NRXN3: variants seen among roughly 807,000 people sequenced by gnomAD.
The protein encoded by NRXN3 is neurexin 3, also known as neurexin III.
In NRXN3, 32 loss-of-function variants were observed where a neutral mutation model predicts 137.6. The ratio of observed to expected loss-of-function variants is 0.23; its 90% confidence interval spans 0.18 to 0.31. The LOEUF (loss-of-function observed/expected upper bound fraction) is 0.31, where lower values mean the gene tolerates loss of function less well. Ranked by LOEUF, NRXN3 falls within the 10% of genes least tolerant of loss-of-function variation. The probability of loss-of-function intolerance (pLI) is 1.00; values close to 1 mark genes in which losing one functional copy is unlikely to be tolerated. For missense variants in NRXN3, 1,574 were observed against 2,062.5 expected (o/e 0.76, Z 4.59); for synonymous variants, 798 against 784.5 (o/e 1.02, Z -0.29).
intron 4 of NRXN3, among the ~76,000 whole-genome samples, chr14:78,539,299 A>G (rs987927743): frequency 1.3e-5 from 2 of 152,154 alleles, no homozygotes; most frequent in Non-Finnish European, 2.9e-5. Context: ...AGAGCCTGTT[A>G]TTGGTCTATT....
chr14:78,887,562 G>C (rs1355414157), intron 10 of NRXN3, among the ~76,000 whole-genome samples: 2 of 151,902 alleles, frequency 1.3e-5, no homozygotes, highest in African/African-American at 2.4e-5. Flanking sequence ...AGAACCTCAG[G>C]GTTTTCCTGA....
chr14:79,399,682 C>T (rs2095133633), intron 15 of NRXN3, among the ~76,000 whole-genome samples: 1 of 152,124 alleles, frequency 6.6e-6, no homozygotes, highest in Admixed American at 6.5e-5. Context: ...GCGTTGTGCT[C>T]AAGGCTATGG....
chr14:79,270,719 T>G (rs945983818), intron 15 of NRXN3, among the ~76,000 whole-genome samples: 1 of 152,226 alleles, frequency 6.6e-6, no homozygotes, highest in Non-Finnish European at 1.5e-5. Context: ...CTGTCCAGAT[T>G]GGAAATAGTA....
At chr14:79,086,558 TA>T (rs1009815850) in intron 15 of NRXN3, among the ~76,000 whole-genome samples, 8 of 152,280 alleles carry the variant, frequency 5.3e-5, no homozygotes, top group South Asian at 2.1e-4. Context: ...TAGAGATTAT[TA>T]CTCAGTTGAC....
At chr14:79,173,232 G>T (rs1460954189) in intron 15 of NRXN3, among the ~76,000 whole-genome samples, 1 of 152,028 alleles carries the variant, frequency 6.6e-6, no homozygotes, top group Non-Finnish European at 1.5e-5. Context: ...CATATAAAAA[G>T]TTTAAGAGAA....
intron 15 of NRXN3, among the ~76,000 whole-genome samples, chr14:79,090,711 A>G (rs2048997339): frequency 6.6e-6 from 1 of 152,154 alleles, no homozygotes; most frequent in Admixed American, 6.6e-5. Flanking sequence ...CAGCCTCTTT[A>G]GAAAGCAGAC....
At chr14:79,550,914 C>T (rs1316064061) in intron 16 of NRXN3, among the ~76,000 whole-genome samples, 2 of 152,046 alleles carry the variant, frequency 1.3e-5, no homozygotes, top group Non-Finnish European at 2.9e-5. Flanking sequence ...ATGAAATGAG[C>T]ACAAATAAGT....
In NRXN3 at chr14:79,663,760, T is replaced by C. The variant is rs2098545568; in HGVS notation, c.3445-18T>C. ...CGTGGTTGGTGATAACTATGCCTTT[T>C]GTGTTTCTTTATTATAGGAACAGGG... On this transcript the variant is annotated intron_variant, in intron 16 of 20. Transcript: ENST00000335750. 1.2e-6 allele frequency: 2 copies of C among 1,609,052 alleles called. No individual in the cohort carries two copies. The highest frequency in any genetic ancestry group is 1.7e-6 in the Non-Finnish European group (2 of 1,177,132).
At chr14:78,628,342 G>A (rs780878278) in intron 4 of NRXN3, among the ~76,000 whole-genome samples, 21 of 152,098 alleles carry the variant, frequency 1.4e-4, no homozygotes, top group Non-Finnish European at 2.9e-4. Flanking sequence ...TCAGGCATAA[G>A]CCAATATGGC....
At chr14:79,340,560 G>T (rs2092553490) in intron 15 of NRXN3, among the ~76,000 whole-genome samples, 2 of 152,198 alleles carry the variant, frequency 1.3e-5, no homozygotes, top group South Asian at 4.1e-4. Context: ...CCACCTTCCA[G>T]GTTCAAGGGA....
chr14:79,001,755 T>C (rs2099541829), intron 15 of NRXN3, among the ~76,000 whole-genome samples: 1 of 152,186 alleles, frequency 6.6e-6, no homozygotes, highest in African/African-American at 2.4e-5. Context: ...TCAGTTCAAG[T>C]TCTGGCTTCT....
intron 15 of NRXN3, among the ~76,000 whole-genome samples, chr14:79,380,219 T>C (rs2094430529): frequency 1.3e-5 from 2 of 150,606 alleles, no homozygotes; most frequent in Admixed American, 1.3e-4. Flanking sequence ...TATTATACTT[T>C]AAGTTTTAGG....
At chr14:79,462,378 AAAAT>A (rs1429488658) in intron 15 of NRXN3, among the ~76,000 whole-genome samples, 3 of 151,392 alleles carry the variant, frequency 2.0e-5, no homozygotes, top group Non-Finnish European at 4.4e-5. Context: ...CATCTCAAAA[AAAAT>A]AAATAAATAA....
chr14:79,752,386 C>T (rs1013507123), intron 19 of NRXN3, among the ~76,000 whole-genome samples: 5 of 152,044 alleles, frequency 3.3e-5, no homozygotes, highest in African/African-American at 1.2e-4. Context: ...ATCAATGGAA[C>T]AGAACAGAGC....
chr14:79,518,636 C>G (rs1346868505), intron 16 of NRXN3, among the ~76,000 whole-genome samples: 1 of 152,098 alleles, frequency 6.6e-6, no homozygotes, highest in Non-Finnish European at 1.5e-5. Flanking sequence ...ACTCCAGGTG[C>G]TCAGTCATAT....
chr14:79,409,672 A>G (rs1029091780), intron 15 of NRXN3, among the ~76,000 whole-genome samples: 2 of 147,600 alleles, frequency 1.4e-5, no homozygotes, highest in African/African-American at 2.5e-5. Flanking sequence ...GAGTAAAAAA[A>G]TGAAATGCCT....
At chr14:78,477,652 CT>C (rs1439126831) in intron 4 of NRXN3, among the ~76,000 whole-genome samples, 1 of 152,142 alleles carries the variant, frequency 6.6e-6, no homozygotes, top group Non-Finnish European at 1.5e-5. Flanking sequence ...GAACAAATGT[CT>C]TTTCAATTAT....
At chr14:78,867,197 A>T (rs1294068625) in intron 10 of NRXN3, among the ~76,000 whole-genome samples, 1 of 152,178 alleles carries the variant, frequency 6.6e-6, no homozygotes, top group African/African-American at 2.4e-5. Context: ...CTCTATCAGT[A>T]AGAAAACTGT....
chr14:79,172,951 G>T (rs1337822292), intron 15 of NRXN3, among the ~76,000 whole-genome samples: 1 of 152,204 alleles, frequency 6.6e-6, no homozygotes, highest in African/African-American at 2.4e-5. Flanking sequence ...TTCCAAAGCT[G>T]TTATCACAAT....
Sources: allele counts gnomAD v4.1 joint callset (sites outside exome capture counted in the v4.1 genomes callset), GRCh38; gene constraint gnomAD v4.1.1; transcripts MANE v1.5; gene names NCBI Gene and HGNC (gene_info 2026-07-23, HGNC 2026-07-21).